RP1L1: variants seen among roughly 807,000 people sequenced by gnomAD.
RP1L1 encodes the protein retinitis pigmentosa 1-like 1 protein.
A neutral mutation model predicts 15.7 loss-of-function variants in RP1L1; 27 were observed. The observed-to-expected ratio is 1.72, with a 90% CI of 1.27 to 2.38. The LOEUF (loss-of-function observed/expected upper bound fraction) is 2.38. Among genes scored for constraint, RP1L1 ranks in the 30% most tolerant of loss-of-function variants. The pLI, the probability that RP1L1 is intolerant of heterozygous loss-of-function variation, is 0.00. For missense variants in RP1L1, 4,798 were observed against 3,075.9 expected (o/e 1.56, Z -13.24); for synonymous variants, 1,813 against 1,276.7 (o/e 1.42, Z -8.96).
chr8:10,611,023 C>G lies in RP1L1; in HGVS notation c.3075G>C (p.Glu1025Asp). Residue 1025 changes from glutamate (E) to aspartate (D), a missense_variant, in exon 4 of 4, where the codon GAG becomes GAC. Coordinates refer to ENST00000382483, the MANE Select transcript of RP1L1 (RefSeq NM_178857.6). ...TGTCACTACTCCCCAGGAGGGCTCC[C>G]TCTGGCTCTGGGTCCTGGCCGGGGT... is the stretch of plus-strand genomic sequence containing the variant. ...EGDPGQDPEP[E>D]GALLGSSDTG... is the part of the protein sequence containing the mutation. 1 of 1,612,794 alleles carries G rather than the reference C, an allele frequency of 6.2e-7. No individual in the cohort carries two copies. The highest frequency in any genetic ancestry group is 8.5e-7 in the Non-Finnish European group (1 of 1,180,002).
At chr8:10,616,401 C>T (rs934229408) in intron 3 of RP1L1, 45 bp downstream of exon 3, 2 of 1,613,590 alleles carry the variant, frequency 1.2e-6, no homozygotes, top group East Asian at 2.2e-5. Context: ...TACTGAACCA[C>T]CATGCAGTGC....
intron 2 of RP1L1, among the ~76,000 whole-genome samples, chr8:10,617,316 G>C (rs1797982919): frequency 6.6e-6 from 1 of 150,694 alleles, no homozygotes; most frequent in Non-Finnish European, 1.5e-5. Flanking sequence ...AGCAATGCTG[G>C]GGAATGGGGA....
rs1352504094 is a variant in RP1L1 at position 10,607,985 on chromosome 8, T to A, written c.6113A>T (p.Glu2038Val). 1 of 1,610,282 alleles carries A rather than the reference T, an allele frequency of 6.2e-7. No homozygotes were observed. The highest frequency in any genetic ancestry group is 1.1e-5 in the South Asian group (1 of 90,822). Reference protein sequence around the residue: ...KSEGEEAQEVEGETQKTEGDA... With the variant: ...KSEGEEAQEVVGETQKTEGDA... The stretch of plus-strand genomic sequence containing the variant: ...CCCTTCTGTCTTCTGGGTCTCCCCT[T>A]CAACCTCCTGGGCCTCTTCACCTTC... Residue 2038 changes from glutamate (E) to valine (V), a missense_variant, in exon 4 of 4, where the codon GAA becomes GTA. Glu to Val is a moderately radical substitution (Grantham distance 121). Coordinates refer to ENST00000382483, the MANE Select transcript of RP1L1 (RefSeq NM_178857.6).
At chr8:10,642,471 TG>T (rs1225393453) in intron 1 of RP1L1, among the ~76,000 whole-genome samples, 1 of 152,204 alleles carries the variant, frequency 6.6e-6, no homozygotes, top group African/African-American at 2.4e-5. Flanking sequence ...ATGCGATGGT[TG>T]GGGCTACAGA....
intron 1 of RP1L1, among the ~76,000 whole-genome samples, chr8:10,651,424 A>G (rs972243420): frequency 6.6e-6 from 1 of 152,198 alleles, no homozygotes. Flanking sequence ...TAAACTAAAA[A>G]ATAGAAATAA....
At chr8:10,635,686 T>C (rs1798318631) in intron 1 of RP1L1, among the ~76,000 whole-genome samples, 1 of 152,192 alleles carries the variant, frequency 6.6e-6, no homozygotes, top group South Asian at 2.1e-4. Context: ...ACAGAGCTAT[T>C]GATGGCCAAG....
rs748042963 is a variant in RP1L1 at position 10,607,771 on chromosome 8, C to A, written c.6327G>T (p.Glu2109Asp). 6.2e-7 allele frequency: 1 copy of A among 1,609,108 alleles called. No homozygotes were observed. The highest frequency in any genetic ancestry group is 2.3e-5 in the East Asian group (1 of 44,384). The change falls in exon 4 of 4, where the codon GAG becomes GAT. Residue 2109 changes from glutamate to aspartate, a missense_variant. Glu to Asp is a conservative substitution (Grantham distance 45). Transcript: ENST00000382483. ...CCTCTATACCTTCTGCCTTCTGGGC[C>A]TCCCCTTCTGCCTCTGGGGCCTCTA... is the stretch of plus-strand genomic sequence containing the variant. ...EGVEAPEAEG[E>D]AQKAEGIEAP... is the part of the protein sequence containing the mutation.
chr8:10,638,866 C>A (rs1451447594), intron 1 of RP1L1, among the ~76,000 whole-genome samples: 1 of 152,116 alleles, frequency 6.6e-6, no homozygotes, highest in Non-Finnish European at 1.5e-5. Flanking sequence ...CAAGCACGGC[C>A]AGGCATGGTG....
Position 10,609,122 on chromosome 8 carries a change from C to T in RP1L1, c.4976G>A (p.Cys1659Tyr). The T allele has an allele frequency of 1.2e-6, 2 of 1,613,588 alleles. No homozygotes were observed. The highest frequency in any genetic ancestry group is 1.7e-6 in the Non-Finnish European group (2 of 1,179,692). ...CACTTTCTTCCTCACGCAGGCCTCG[C>T]AGGGACAGAACTCCTCCCCCTCCGC... ...EEAEGEEFCPCEACVRKKVSP... is the reference protein window; with the variant it reads ...EEAEGEEFCPYEACVRKKVSP... Residue 1659 changes from cysteine to tyrosine, a missense_variant, in exon 4 of 4, where the codon TGC becomes TAC. Cys to Tyr is a radical substitution (Grantham distance 194, BLOSUM62 -2). Transcript: ENST00000382483.
At chr8:10,628,789 A>C (rs1253984003) in intron 1 of RP1L1, among the ~76,000 whole-genome samples, 1 of 152,226 alleles carries the variant, frequency 6.6e-6, no homozygotes, top group East Asian at 1.9e-4. Flanking sequence ...TGACACTGGA[A>C]GTAGAATCCT....
intron 2 of RP1L1, among the ~76,000 whole-genome samples, chr8:10,618,953 C>T (rs915290093): frequency 5.3e-5 from 8 of 152,170 alleles, no homozygotes; most frequent in Non-Finnish European, 1.0e-4. Context: ...CAGGTTCAAC[C>T]GCCACCTCCC....
chr8:10,649,271 T>C (rs954924161), intron 1 of RP1L1, among the ~76,000 whole-genome samples: 3 of 152,232 alleles, frequency 2.0e-5, no homozygotes, highest in African/African-American at 7.2e-5. Context: ...ACTCTTGTAC[T>C]CATGGCCATT....
At chr8:10,624,799 A>G (rs1292590303) in intron 1 of RP1L1, among the ~76,000 whole-genome samples, 1 of 152,180 alleles carries the variant, frequency 6.6e-6, no homozygotes, top group Non-Finnish European at 1.5e-5. Flanking sequence ...TGGGCTTTTC[A>G]GTTCCACGAG....
chr8:10,619,788 C>A lies in RP1L1; in HGVS notation c.609+2805G>T, dbSNP rs558394483. 1.9e-4 allele frequency among the ~76,000 whole-genome samples: 29 copies of A among 151,442 alleles called. No individual in the cohort carries two copies. In the South Asian group the frequency reaches 5.5e-3, roughly 29 times the overall value. ...CTAAAAATACAAAAAAAACCCAAAA[C>A]AAACAACAACAACAAAAAAACATTA... On this transcript the variant is annotated intron_variant, in intron 2 of 3. Transcript: ENST00000382483.
In RP1L1 at chr8:10,611,723, A is replaced by G. The variant is rs35602868; in HGVS notation, c.2375T>C (p.Leu792Pro). ...AGGCGTGTCCCTGGCCTCTTCCCCCAGGCTGGCAGCCCCAGATTTTGAGCA... is the reference window on the plus strand; with the variant it reads ...AGGCGTGTCCCTGGCCTCTTCCCCCGGGCTGGCAGCCCCAGATTTTGAGCA... ...DSCSKSGAAS[L>P]GEEARDTPQP... is the part of the protein sequence containing the mutation. The change falls in exon 4 of 4, where the codon CTG (leucine) becomes CCG (proline). Residue 792 changes from leucine to proline, a missense_variant. Transcript: ENST00000382483. 0.5 allele frequency: 804,178 copies of G among 1,613,364 alleles called. 211,357 individuals are homozygous for G. Among genetic ancestry groups the G allele is most frequent in the Non-Finnish European group, 0.55 (648,767 of 1,179,884 alleles).
At chr8:10,616,099 G>A (rs572536347) in intron 3 of RP1L1, among the ~76,000 whole-genome samples, 5 of 151,838 alleles carry the variant, frequency 3.3e-5, no homozygotes, top group Admixed American at 3.3e-4. Flanking sequence ...TTTAGAGACA[G>A]TGTCTCATTA....
chr8:10,641,901 A>T (rs1798412706), intron 1 of RP1L1, among the ~76,000 whole-genome samples: 1 of 152,258 alleles, frequency 6.6e-6, no homozygotes. Context: ...ATAGAAATGG[A>T]GAATAGATTA....
At chr8:10,637,777 G>A (rs1798351098) in intron 1 of RP1L1, among the ~76,000 whole-genome samples, 1 of 152,208 alleles carries the variant, frequency 6.6e-6, no homozygotes, top group African/African-American at 2.4e-5. Context: ...TGAGACAGGA[G>A]GGGAAAGAGA....
intron 1 of RP1L1, among the ~76,000 whole-genome samples, chr8:10,654,432 G>C (rs750550341): frequency 1.3e-5 from 2 of 151,938 alleles, no homozygotes; most frequent in African/African-American, 2.4e-5. Flanking sequence ...TGAAGTCTCG[G>C]TCCTCTAAGA....
Sources: allele counts gnomAD v4.1 joint callset (sites outside exome capture counted in the v4.1 genomes callset), GRCh38; gene constraint gnomAD v4.1.1; transcripts MANE v1.5; gene names NCBI Gene and HGNC (gene_info 2026-07-23, HGNC 2026-07-21).